Variants in SDCCAG8 observed in about 807,000 individuals in gnomAD.
SDCCAG8 encodes serologically defined colon cancer antigen 8.
SDCCAG8 carries 74 observed loss-of-function variants against 101.8 expected under a neutral mutation model. The observed-to-expected ratio is 0.73, with a 90% CI of 0.60 to 0.88. The LOEUF is 0.88. Among genes scored for constraint, SDCCAG8 ranks in the 40% least tolerant of loss-of-function variants. The pLI, the probability that SDCCAG8 is intolerant of heterozygous loss-of-function variation, is 0.00. For synonymous variants in SDCCAG8, 281 were observed against 292.9 expected, an observed-to-expected ratio of 0.96 and a Z score of 0.41; for missense variants, 787 against 822.6, an observed-to-expected ratio of 0.96 and a Z score of 0.53.
intron 16 of SDCCAG8, among the ~76,000 whole-genome samples, chr1:243,471,940 G>A (rs1661355239): frequency 1.3e-5 from 2 of 152,174 alleles, no homozygotes; most frequent in Non-Finnish European, 2.9e-5. Context: ...AACACTGTGA[G>A]GCTGGCAACA....
intron 1 of SDCCAG8, among the ~76,000 whole-genome samples, chr1:243,266,194 T>C (rs1209037462): frequency 6.6e-6 from 1 of 152,224 alleles, no homozygotes; most frequent in Non-Finnish European, 1.5e-5. Context: ...AATTTTGAAA[T>C]GTGTAATACT....
At chr1:243,356,099 A>G (rs2783962) in intron 12 of SDCCAG8, among the ~76,000 whole-genome samples, 139,518 of 152,254 alleles carry the variant, frequency 0.92, 65,185 homozygotes, top group East Asian at 1. Flanking sequence ...TGTGTATAGC[A>G]AATTAAGCTA....
In SDCCAG8 at chr1:243,289,763, C is replaced by T. The variant is rs117953011; in HGVS notation, c.547-3328C>T. 3.3e-5 allele frequency among the ~76,000 whole-genome samples: 5 copies of T among 152,196 alleles called. No individual in the cohort carries two copies. The East Asian group carries it at 5.8e-4, about 18-fold the overall frequency. On this transcript the variant is annotated intron_variant, in intron 5 of 17. Transcript: ENST00000366541. ...CACCCCGTAGAACCTTAAATTATAC[C>T]GCCTTTCTGCATAAGTTAGGAAGAG...
rs1460503725 is a variant in SDCCAG8 at position 243,474,372 on chromosome 1, C to T, written c.1986-14642C>T. The stretch of plus-strand genomic sequence containing the variant: ...GTGGAGTCGCCTGAGCCAGATGCTC[C>T]GCACCCAGCCTCCCCAAGCCCCGGC... On this transcript the variant is annotated intron_variant, in intron 16 of 17. Transcript: ENST00000366541. The surrounding 1 kb of genome is among the most constrained non-coding windows in gnomAD (Gnocchi z 4.7). Among the ~76,000 whole-genome samples the T allele has an allele frequency of 6.6e-6, 1 of 152,182 alleles. No individual in the cohort carries two copies. Among genetic ancestry groups the T allele is most frequent in the African/African-American group, 2.4e-5 (1 of 41,442 alleles).
intron 16 of SDCCAG8, among the ~76,000 whole-genome samples, chr1:243,470,915 G>C (rs955937821): frequency 3.9e-5 from 6 of 152,126 alleles, no homozygotes; most frequent in Non-Finnish European, 8.8e-5. Flanking sequence ...AAATCGCTAT[G>C]TTCTCTAGTT....
At chr1:243,461,938 G>A (rs1574179074) in intron 16 of SDCCAG8, among the ~76,000 whole-genome samples, 2 of 152,236 alleles carry the variant, frequency 1.3e-5, no homozygotes, top group East Asian at 3.9e-4. Flanking sequence ...TCGAGGGGAA[G>A]GGCTAATACC....
intron 11 of SDCCAG8, among the ~76,000 whole-genome samples, chr1:243,341,498 C>A (rs1428147145): frequency 1.3e-5 from 2 of 152,180 alleles, no homozygotes; most frequent in Non-Finnish European, 2.9e-5. Flanking sequence ...TGATAAACCT[C>A]ATTTTTCTAA....
At chr1:243,346,159 A>G (rs2075693525) in intron 12 of SDCCAG8, 1 of 154,338 alleles carries the variant, frequency 6.5e-6, no homozygotes. Flanking sequence ...GTCTCATTCC[A>G]TGGATGATTT....
In SDCCAG8 at chr1:243,326,005, G is replaced by A. The variant is rs191727870; in HGVS notation, c.1069-4535G>A. Among the ~76,000 whole-genome samples the A allele has an allele frequency of 2.6e-5, 4 of 152,260 alleles. No individual in the cohort carries two copies. In the East Asian group the frequency reaches 7.7e-4, roughly 29 times the overall value. Reference sequence around the variant, plus strand: ...GGTTAACCAGGCCTTAGGCCTGCCTGCTTGTGTTGGAAGGGAAATTGTTGA... The same window carrying A: ...GGTTAACCAGGCCTTAGGCCTGCCTACTTGTGTTGGAAGGGAAATTGTTGA... On this transcript the variant is annotated intron_variant, in intron 9 of 17. Transcript: ENST00000366541.
intron 16 of SDCCAG8, chr1:243,487,783 C>A (rs888363488): frequency 6.6e-6 from 1 of 152,236 alleles, no homozygotes; most frequent in Non-Finnish European, 1.5e-5. Context: ...TCTGCCTGGG[C>A]GGGGTCCTAG....
At chr1:243,373,460 G>A (rs1420127837) in intron 12 of SDCCAG8, among the ~76,000 whole-genome samples, 1 of 152,012 alleles carries the variant, frequency 6.6e-6, no homozygotes, top group Non-Finnish European at 1.5e-5. Context: ...GAGTCTGCAG[G>A]TCAGGTACGC....
chr1:243,291,165 T>C (rs1354574306), intron 5 of SDCCAG8, among the ~76,000 whole-genome samples: 1 of 152,210 alleles, frequency 6.6e-6, no homozygotes, highest in African/African-American at 2.4e-5. Flanking sequence ...TACCATATCC[T>C]TTGGCCCTTA....
chr1:243,257,154 T>A (rs2066810439), intron 1 of SDCCAG8, among the ~76,000 whole-genome samples: 1 of 152,214 alleles, frequency 6.6e-6, no homozygotes, highest in South Asian at 2.1e-4. Flanking sequence ...TCTTAAAATG[T>A]TTACCTATAG....
intron 3 of SDCCAG8, among the ~76,000 whole-genome samples, chr1:243,272,311 A>T (rs1022534117): frequency 1.3e-5 from 2 of 152,214 alleles, no homozygotes; most frequent in Non-Finnish European, 2.9e-5. Context: ...TTCACCACTG[A>T]AATATCAGAG....
chr1:243,486,125 C>T (rs1251573571), intron 16 of SDCCAG8, among the ~76,000 whole-genome samples: 1 of 143,656 alleles, frequency 7.0e-6, no homozygotes, highest in African/African-American at 2.6e-5. Flanking sequence ...TTGTTTGAAC[C>T]CGGAGGCGGA....
intron 12 of SDCCAG8, among the ~76,000 whole-genome samples, chr1:243,352,803 G>A (rs539653452): frequency 5.9e-5 from 9 of 152,148 alleles, no homozygotes; most frequent in Non-Finnish European, 1.3e-4. Flanking sequence ...TATAATATTT[G>A]CAAATATAAA....
intron 13 of SDCCAG8, among the ~76,000 whole-genome samples, chr1:243,395,163 A>G (rs1480077199): frequency 6.6e-6 from 1 of 152,160 alleles, no homozygotes; most frequent in African/African-American, 2.4e-5. Context: ...AAATTATCCA[A>G]AAGAAGGCTA....
intron 5 of SDCCAG8, among the ~76,000 whole-genome samples, chr1:243,289,875 C>T (rs1338223016): frequency 6.6e-6 from 1 of 151,984 alleles, no homozygotes; most frequent in Non-Finnish European, 1.5e-5. Context: ...TTTTTATTGT[C>T]TCCTGCTTGT....
At chr1:243,310,543 G>A (rs1190058260) in intron 8 of SDCCAG8, among the ~76,000 whole-genome samples, 1 of 151,950 alleles carries the variant, frequency 6.6e-6, no homozygotes. Context: ...GACTATAAAA[G>A]CATTAGAAAT....
Sources: gnomAD v4.1 joint callset for allele counts (sites outside exome capture counted in the v4.1 genomes callset) on GRCh38, gnomAD v4.1.1 for gene constraint, Gnocchi (gnomAD v3.1) non-coding constraint, MANE v1.5 for transcripts, NCBI Gene and HGNC (gene_info 2026-07-23, HGNC 2026-07-21) for gene names.